Variants in GATAD2A observed in about 807,000 individuals in gnomAD.
GATAD2A encodes transcriptional repressor p66-alpha.
GATAD2A carries 12 observed loss-of-function variants against 68.5 expected under a neutral mutation model. The ratio of observed to expected loss-of-function variants is 0.18; its 90% CI spans 0.11 to 0.28. The LOEUF (loss-of-function observed/expected upper bound fraction) is 0.28, where lower values mean the gene tolerates loss of function less well. Among genes scored for constraint, GATAD2A ranks in the 10% least tolerant of loss-of-function variants. GATAD2A has a pLI of 1.00. For synonymous variants in GATAD2A, 410 were observed against 375.3 expected, an observed-to-expected ratio of 1.09 and a Z score of -1.07; for missense variants, 755 against 868.5, an observed-to-expected ratio of 0.87 and a Z score of 1.64.
chr19:19,388,897 C>A (rs758002348), intron 1 of GATAD2A, among the ~76,000 whole-genome samples: 1 of 151,980 alleles, frequency 6.6e-6, no homozygotes, highest in Non-Finnish European at 1.5e-5. Context: ...ATCCCTAGTT[C>A]GTAGGCCAGT....
At chr19:19,407,999 T>TTTTG (rs749620134) in intron 1 of GATAD2A, among the ~76,000 whole-genome samples, 5 of 152,138 alleles carry the variant, frequency 3.3e-5, no homozygotes, top group South Asian at 2.1e-4. Flanking sequence ...ATGCAGTGTG[T>TTTTG]TTTGTTTGTT....
At chr19:19,469,514 A>G (rs1313864527) in intron 2 of GATAD2A, among the ~76,000 whole-genome samples, 2 of 152,190 alleles carry the variant, frequency 1.3e-5, no homozygotes, top group Admixed American at 6.5e-5. Context: ...TTCTTTATTC[A>G]CTGAGAAATA....
At chr19:19,447,974 G>A (rs547817052) in intron 1 of GATAD2A, among the ~76,000 whole-genome samples, 40 of 152,332 alleles carry the variant, frequency 2.6e-4, no homozygotes, top group African/African-American at 8.9e-4. Flanking sequence ...AGCTTCGCCT[G>A]GCTCAGCCCT....
chr19:19,435,053 T>C, intron 1 of GATAD2A: 1 of 528,756 alleles, frequency 1.9e-6, no homozygotes, highest in Non-Finnish European at 3.9e-6. Context: ...GCGTGCTGCC[T>C]GTGTGCTCTG....
At chr19:19,409,538 C>T (rs938963455) in intron 1 of GATAD2A, among the ~76,000 whole-genome samples, 3 of 152,160 alleles carry the variant, frequency 2.0e-5, no homozygotes, top group Admixed American at 1.3e-4. Context: ...ATCTGAGCTG[C>T]TTCGGGAGGT....
At chr19:19,459,303 T>C (rs1455390539) in intron 1 of GATAD2A, among the ~76,000 whole-genome samples, 1 of 152,236 alleles carries the variant, frequency 6.6e-6, no homozygotes, top group Non-Finnish European at 1.5e-5. Flanking sequence ...TACCACTGAT[T>C]TTGGTCCAGT....
intron 1 of GATAD2A, among the ~76,000 whole-genome samples, chr19:19,432,690 T>G (rs2053889819): frequency 6.6e-6 from 1 of 152,228 alleles, no homozygotes; most frequent in Non-Finnish European, 1.5e-5. Flanking sequence ...GGATTTTGTT[T>G]AAAACATAAA....
At position 19,506,203 on chromosome 19, in the gene GATAD2A, T is replaced by G; in HGVS notation, c.*729T>G. 1 of 398,490 alleles carries G rather than the reference T, an allele frequency of 2.5e-6. No individual in the cohort carries two copies. The highest frequency in any genetic ancestry group is 4.4e-6 in the Non-Finnish European group (1 of 225,902). 24.7% of individuals were successfully genotyped at this position (398,490 alleles called of 1,614,324 possible). ...TCCAGCTGAACGCCTCCATTGCTGC[T>G]TGTTCTGGAGACCCCCGCCCCCGCA... On this transcript the variant is annotated 3_prime_UTR_variant, in exon 12 of 12. Coordinates refer to ENST00000683918, the MANE Select transcript of GATAD2A (RefSeq NM_001384528.1).
At chr19:19,452,335 C>T (rs1409692164) in intron 1 of GATAD2A, among the ~76,000 whole-genome samples, 1 of 152,206 alleles carries the variant, frequency 6.6e-6, no homozygotes, top group African/African-American at 2.4e-5. Context: ...CACTGAGAGC[C>T]TTGCTGTGGC....
At chr19:19,414,702 CT>C (rs576088323) in intron 1 of GATAD2A, among the ~76,000 whole-genome samples, 142 of 140,014 alleles carry the variant, frequency 1.0e-3, no homozygotes, top group Admixed American at 1.3e-3. Context: ...ACGCCCAGCT[CT>C]TTTTTTTTTT....
intron 2 of GATAD2A, among the ~76,000 whole-genome samples, chr19:19,490,297 C>T (rs926616326): frequency 2.6e-5 from 4 of 152,214 alleles, no homozygotes; most frequent in South Asian, 4.1e-4. Context: ...CAGCATCTGG[C>T]GAGTCCAGGG....
intron 1 of GATAD2A, among the ~76,000 whole-genome samples, chr19:19,443,693 CTG>C (rs1438795777): frequency 2.0e-5 from 3 of 152,076 alleles, no homozygotes; most frequent in Non-Finnish European, 4.4e-5. Context: ...ATTATCTACT[CTG>C]TGGGTGGATT....
At chr19:19,479,863 A>T (rs1600240004) in intron 2 of GATAD2A, among the ~76,000 whole-genome samples, 1 of 107,588 alleles carries the variant, frequency 9.3e-6, no homozygotes. Context: ...TTTGAGATGG[A>T]GTCTCACTGC....
At chr19:19,390,524 A>T (rs2048769733) in intron 1 of GATAD2A, among the ~76,000 whole-genome samples, 1 of 152,156 alleles carries the variant, frequency 6.6e-6, no homozygotes, top group South Asian at 2.1e-4. Context: ...CTGTGTTCTG[A>T]TACCAGATGT....
At chr19:19,493,407 C>T (rs1227019921) in intron 4 of GATAD2A, among the ~76,000 whole-genome samples, 1 of 152,222 alleles carries the variant, frequency 6.6e-6, no homozygotes, top group Non-Finnish European at 1.5e-5. Context: ...CGTCTCAGTC[C>T]CCTCCCAGCT....
chr19:19,485,348 C>G (rs1197520336), intron 2 of GATAD2A, among the ~76,000 whole-genome samples: 1 of 152,204 alleles, frequency 6.6e-6, no homozygotes, highest in African/African-American at 2.4e-5. Flanking sequence ...CTGGTCCCGC[C>G]CAGCTGGGCA....
chr19:19,498,359 C>A, intron 7 of GATAD2A, 84 bp from the exon 8 acceptor site: 1 of 1,314,752 alleles, frequency 7.6e-7, no homozygotes, highest in Non-Finnish European at 1.0e-6. Context: ...GTGCAGTTGA[C>A]AGGACCTCGG....
rs535010304 is a variant in GATAD2A at position 19,505,552 on chromosome 19, C to T, written c.*78C>T. On this transcript the variant is annotated 3_prime_UTR_variant, in exon 12 of 12. Transcript: ENST00000683918. ...GGTCTAGAAGGACCCACTGCACCAC[C>T]CTCCGCTGGCTCGGGAAGACACCGT... 3 of 1,311,212 alleles carry T rather than the reference C, an allele frequency of 2.3e-6. No individual in the cohort carries two copies. The highest frequency in any genetic ancestry group is 1.5e-5 in the African/African-American group (1 of 66,498). The allele number at this position is 1,311,212 out of a possible 1,614,324, so 81.2% of individuals were successfully genotyped here.
At chr19:19,431,117 A>G (rs1328318351) in intron 1 of GATAD2A, among the ~76,000 whole-genome samples, 3 of 151,800 alleles carry the variant, frequency 2.0e-5, no homozygotes, top group Non-Finnish European at 2.9e-5. Context: ...GGGTTACTTG[A>G]TACTGCTTTA....
Sources: allele counts gnomAD v4.1 joint callset (sites outside exome capture counted in the v4.1 genomes callset), GRCh38; gene constraint gnomAD v4.1.1; transcripts MANE v1.5; gene names NCBI Gene and HGNC (gene_info 2026-07-23, HGNC 2026-07-21).